Variants in TRPC5 observed in about 807,000 individuals in gnomAD.
The protein encoded by TRPC5 is short transient receptor potential channel 5.
A neutral mutation model predicts 56.5 loss-of-function variants in TRPC5; 9 were observed. The observed-to-expected ratio is 0.16, with a 90% CI of 0.10 to 0.28. The LOEUF is 0.28. TRPC5 is among the 10% of genes least tolerant of loss of function. The pLI is 1.00. For synonymous variants in TRPC5, 282 were observed against 278.5 expected (o/e 1.01, Z -0.13); for missense variants, 469 against 748.9 (o/e 0.63, Z 4.36).
At chrX:111,790,969 A>G (rs1195137141) in intron 7 of TRPC5, among the ~76,000 whole-genome samples, 6 of 96,834 alleles carry the variant, frequency 6.2e-5, no homozygotes, top group Non-Finnish European at 1.0e-4. Context: ...GCAGTGAGCC[A>G]AGATTGCACC....
chrX:111,830,393 T>C (rs949432393), intron 7 of TRPC5, among the ~76,000 whole-genome samples: 5 of 112,014 alleles, frequency 4.5e-5, no homozygotes, highest in African/African-American at 1.6e-4. Flanking sequence ...TGAGGGACTG[T>C]TGGAAAGGCA....
intron 3 of TRPC5, among the ~76,000 whole-genome samples, chrX:111,864,245 C>T (rs1049383420): frequency 8.9e-6 from 1 of 111,983 alleles, no homozygotes; most frequent in Admixed American, 9.4e-5. Context: ...GCCTCCACCT[C>T]CCAAAGTGCT....
At chrX:111,978,874 A>G (rs1344723450) in intron 1 of TRPC5, among the ~76,000 whole-genome samples, 4 of 111,420 alleles carry the variant, frequency 3.6e-5, no homozygotes, top group Non-Finnish European at 7.6e-5. Context: ...TATAATTTTT[A>G]TATGTCAATT....
intron 1 of TRPC5, among the ~76,000 whole-genome samples, chrX:111,983,751 G>A (rs1928140624): frequency 9.0e-6 from 1 of 110,966 alleles, no homozygotes; most frequent in East Asian, 2.8e-4. Flanking sequence ...CTGTAATGTG[G>A]CAGCTGTTTA....
At chrX:112,035,398 G>A (rs762334242) in intron 1 of TRPC5, among the ~76,000 whole-genome samples, 2 of 109,749 alleles carry the variant, frequency 1.8e-5, no homozygotes, top group East Asian at 5.7e-4. Context: ...GGTCAGTTAA[G>A]TCTTCTGTTT....
intron 1 of TRPC5, among the ~76,000 whole-genome samples, chrX:112,034,006 T>C (rs1205509020): frequency 8.9e-6 from 1 of 112,551 alleles, no homozygotes; most frequent in Non-Finnish European, 1.9e-5. Context: ...CTTATGCCAG[T>C]ACCACATTAG....
chrX:111,807,956 C>CTGTGTG (rs60688414), intron 7 of TRPC5, among the ~76,000 whole-genome samples: 4,847 of 91,833 alleles, frequency 0.053, 137 homozygotes, highest in Non-Finnish European at 0.073. Context: ...CTCTCTCTCT[C>CTGTGTG]TGTGTGTGTG....
intron 7 of TRPC5, among the ~76,000 whole-genome samples, chrX:111,787,830 C>T (rs958137872): frequency 9.0e-6 from 1 of 111,443 alleles, no homozygotes; most frequent in African/African-American, 3.3e-5. Context: ...GGATAAATTC[C>T]TCGACACATA....
intron 3 of TRPC5, among the ~76,000 whole-genome samples, chrX:111,907,290 T>C (rs1925662164): frequency 9.1e-6 from 1 of 109,933 alleles, no homozygotes; most frequent in Non-Finnish European, 1.9e-5. Context: ...ATTTGAGAAA[T>C]TTTGTCTAAC....
chrX:111,847,013 G>T, intron 6 of TRPC5, 101 bp downstream of exon 6: 1 of 876,664 alleles, frequency 1.1e-6, no homozygotes, highest in Non-Finnish European at 1.6e-6. Flanking sequence ...CAGTCAAGTG[G>T]CAGTGATGAA....
intron 1 of TRPC5, among the ~76,000 whole-genome samples, chrX:111,990,794 C>T (rs1928333829): frequency 8.9e-6 from 1 of 111,846 alleles, no homozygotes; most frequent in Non-Finnish European, 1.9e-5. Context: ...ACAGAGAGAT[C>T]GAATTGTCTC....
chrX:112,048,142 G>C (rs1930106842), intron 1 of TRPC5, among the ~76,000 whole-genome samples: 1 of 112,086 alleles, frequency 8.9e-6, no homozygotes, highest in African/African-American at 3.2e-5. Flanking sequence ...AAAAAATACA[G>C]TGCAACCAAT....
At chrX:111,873,307 C>T (rs1314891439) in intron 3 of TRPC5, among the ~76,000 whole-genome samples, 1 of 111,380 alleles carries the variant, frequency 9.0e-6, no homozygotes, top group Admixed American at 9.5e-5. Context: ...ATCGAATACA[C>T]ATTAATGTAA....
intron 2 of TRPC5, among the ~76,000 whole-genome samples, chrX:111,934,098 C>T (rs188609602): frequency 9.1e-6 from 1 of 110,308 alleles, no homozygotes; most frequent in Admixed American, 9.6e-5. Context: ...TCTGTTATTT[C>T]CTTCTCTGTG....
At chrX:111,834,304 C>A (rs1922500854) in intron 7 of TRPC5, among the ~76,000 whole-genome samples, 1 of 111,696 alleles carries the variant, frequency 9.0e-6, no homozygotes, top group African/African-American at 3.3e-5. Context: ...TAAAAAATAG[C>A]CACTGGCTGG....
chrX:111,828,884 C>A (rs781294527), intron 7 of TRPC5, among the ~76,000 whole-genome samples: 8 of 112,137 alleles, frequency 7.1e-5, no homozygotes, highest in African/African-American at 2.6e-4. Flanking sequence ...TTTGCTTTAG[C>A]AAAGACACTT....
Position 111,769,632 on chromosome X carries a change from A to C in TRPC5, c.*6681T>G. Reference sequence around the variant, plus strand: ...ATTGTACATAAATCATTCCTCAATAAAGTTAATTAGGGGAAAAAAACTAGA... The same window carrying C: ...ATTGTACATAAATCATTCCTCAATACAGTTAATTAGGGGAAAAAAACTAGA... On this transcript the variant is annotated 3_prime_UTR_variant, in exon 11 of 11. Coordinates refer to ENST00000262839, the MANE Select transcript of TRPC5 (RefSeq NM_012471.3). 8.9e-6 allele frequency among the ~76,000 whole-genome samples: 1 copy of C among 111,749 alleles called. No individual in the cohort carries two copies. Among genetic ancestry groups the C allele is most frequent in the Non-Finnish European group, 1.9e-5 (1 of 53,084 alleles).
chrX:111,825,205 T>C (rs1922180134), intron 7 of TRPC5, among the ~76,000 whole-genome samples: 1 of 83,263 alleles, frequency 1.2e-5, no homozygotes, highest in Non-Finnish European at 2.3e-5. Context: ...CTTTCTTTCT[T>C]TCTTTCTTTC....
intron 1 of TRPC5, among the ~76,000 whole-genome samples, chrX:111,981,074 G>T (rs1032350933): frequency 9.2e-5 from 10 of 108,973 alleles, no homozygotes; most frequent in Admixed American, 9.0e-4. Flanking sequence ...TAAATAATTG[G>T]CTCATGGAAT....
Sources: allele counts gnomAD v4.1 joint callset (sites outside exome capture counted in the v4.1 genomes callset), GRCh38; gene constraint gnomAD v4.1.1; transcripts MANE v1.5; gene names NCBI Gene and HGNC (gene_info 2026-07-23, HGNC 2026-07-21).